The following LIG3 variants were observed in gnomAD, a reference collection of about 807,000 sequenced individuals.
LIG3 encodes the protein ligase II, DNA, ATP-dependent.
Under a neutral mutation model 110.9 loss-of-function variants are expected in LIG3, and 58 were observed. That is an observed-to-expected ratio of 0.52 (90% CI 0.42 to 0.65). The LOEUF is 0.65. LIG3 is among the 30% of genes least tolerant of loss of function. The pLI, the probability that LIG3 is intolerant of heterozygous loss-of-function variation, is 0.00. For synonymous variants in LIG3, 422 were observed against 472.8 expected (o/e 0.89, Z 1.39); for missense variants, 1,094 against 1,273.8 (o/e 0.86, Z 2.15).
In LIG3 at chr17:35,005,489, G is replaced by A. The variant is rs750768121; in HGVS notation, c.*983G>A. On this transcript the variant is annotated 3_prime_UTR_variant, in exon 20 of 20. Coordinates refer to ENST00000378526, the MANE Select transcript of LIG3 (RefSeq NM_013975.4). ...CCCCAAGTATTGGCTGATGAACGTGGGCATCAGAGGCCAGTAGCTTTCTTG... is the reference window on the plus strand; with the variant it reads ...CCCCAAGTATTGGCTGATGAACGTGAGCATCAGAGGCCAGTAGCTTTCTTG... 1.8e-6 allele frequency: 1 copy of A among 563,636 alleles called. No individual in the cohort carries two copies. The highest frequency in any genetic ancestry group is 3.6e-6 in the Non-Finnish European group (1 of 278,442). 34.9% of individuals were successfully genotyped at this position (563,636 alleles called of 1,614,324 possible). A position where few individuals can be genotyped will look rare whatever the true frequency, so the allele number is the denominator to read the frequency against.
At chr17:34,990,189 G>C (rs761209101) in intron 4 of LIG3, among the ~76,000 whole-genome samples, 1 of 152,226 alleles carries the variant, frequency 6.6e-6, no homozygotes, top group Non-Finnish European at 1.5e-5. Context: ...ACTCCATGCT[G>C]TCTCCTACTA....
rs192558553 is a variant in LIG3, at chr17:34,991,777, G to A, written c.1148G>A (p.Arg383Gln). Residue 383 changes from arginine to glutamine, a missense_variant, in exon 6 of 20, where the codon CGG becomes CAG. Coordinates refer to ENST00000378526, the MANE Select transcript of LIG3 (RefSeq NM_013975.4). ...TIQEVDEFLL[R>Q]LSKLTKEDEQ... ...CAGGAAGTGGATGAGTTCCTTCTGC[G>A]GCTGTCCAAGCTCACCAAGGAGGAT... The A allele has an allele frequency of 6.7e-5, 108 of 1,614,104 alleles. No individual in the cohort carries two copies. In the Admixed American group the frequency reaches 1.1e-3, roughly 17 times the overall value.
intron 3 of LIG3, among the ~76,000 whole-genome samples, chr17:34,986,486 T>G (rs2090657120): frequency 6.6e-6 from 1 of 152,154 alleles, no homozygotes; most frequent in South Asian, 2.1e-4. Context: ...CATGCCTGAC[T>G]AATTTTTGTA....
intron 1 of LIG3, 78 bp downstream of exon 1, chr17:34,980,700 G>C (rs2090574479): frequency 1.2e-6 from 1 of 863,144 alleles, no homozygotes; most frequent in African/African-American, 1.8e-5. Context: ...GAGGAGCTCG[G>C]CGCGGCCGGG....
At chr17:34,997,626 G>A in intron 11 of LIG3, 112 bp from the exon 12 acceptor site, 1 of 787,122 alleles carries the variant, frequency 1.3e-6, no homozygotes, top group Non-Finnish European at 2.2e-6. Flanking sequence ...TTTGATCCAT[G>A]GCAAACCCTT....
At chr17:34,992,123 A>G in intron 7 of LIG3, 88 bp downstream of exon 7, 1 of 1,145,392 alleles carries the variant, frequency 8.7e-7, no homozygotes, top group Non-Finnish European at 1.3e-6. Context: ...AGTCCCAGTC[A>G]GGATTTGAAT....
chr17:34,998,508 G>T (rs2090804406), intron 13 of LIG3, 96 bp from the exon 14 acceptor site: 1 of 1,464,862 alleles, frequency 6.8e-7, no homozygotes, highest in African/African-American at 1.4e-5. Context: ...TGAGGGAGGG[G>T]CACTGGGCTA....
chr17:35,007,916 T>C lies in LIG3; in HGVS notation c.*3410T>C, dbSNP rs142173957. ...CATCACTCGCAGCTAAGTTTTTGTA[T>C]TTTTAGTAGAGACCACGTTTCGCCA... On this transcript the variant is annotated 3_prime_UTR_variant, in exon 20 of 20. Coordinates refer to ENST00000378526, the MANE Select transcript of LIG3 (RefSeq NM_013975.4). The C allele has an allele frequency of 6.0e-4, 92 of 152,266 alleles. No individual in the cohort carries two copies. The highest frequency in any genetic ancestry group is 2.1e-3 in the African/African-American group (89 of 41,552). 9.4% of individuals were successfully genotyped at this position (152,266 alleles called of 1,614,324 possible). A position where few individuals can be genotyped will look rare whatever the true frequency, so the allele number is the denominator to read the frequency against.
intron 9 of LIG3, 102 bp from the exon 10 acceptor site, chr17:34,995,959 ATGT>A (rs961741745): frequency 7.1e-7 from 1 of 1,405,328 alleles, no homozygotes; most frequent in African/African-American, 1.4e-5. Flanking sequence ...GGCCTTCCAC[ATGT>A]TGTTCTATAT....
intron 3 of LIG3, among the ~76,000 whole-genome samples, chr17:34,988,148 G>A (rs1051532460): frequency 2.1e-5 from 3 of 142,388 alleles, no homozygotes; most frequent in Admixed American, 7.6e-5. Context: ...AGCCAAGATC[G>A]CGCCACTGCA....
Position 34,991,024 on chromosome 17 carries a change from T to C in LIG3, c.951T>C (p.Thr317=), listed in dbSNP as rs749679751. 4.3e-6 allele frequency: 7 copies of C among 1,614,096 alleles called. No homozygotes were observed. The highest frequency in any genetic ancestry group is 5.9e-6 in the Non-Finnish European group (7 of 1,180,026). ...TGCTGCTGCCAGGAGTCATTAAGAC[T>C]GTTTACAACTTGAACGATAAGCAGA... The part of the protein sequence containing the change: ...VKLLLPGVIK[T]VYNLNDKQIV... Residue 317 remains threonine, a synonymous_variant, in exon 5 of 20, where the codon ACT becomes ACC. Transcript: ENST00000378526.
In LIG3 at chr17:35,003,256, T is replaced by C. The variant is rs985795655; in HGVS notation, c.2796+467T>C. On this transcript the variant is annotated intron_variant, in intron 19 of 19. Transcript: ENST00000378526. ...CCTCCCACCTGAGGAGCCTTTTCCC[T>C]GTTACATTTTCTTGTCAGTCTTGGG... 9.6e-5 allele frequency: 112 copies of C among 1,170,432 alleles called. 1 individual carries two copies. In the East Asian group the frequency reaches 2.0e-3, roughly 21 times the overall value. The allele number at this position is 1,170,432 out of a possible 1,614,324, so 72.5% of individuals were successfully genotyped here.
intron 3 of LIG3, 133 bp from the exon 4 acceptor site, chr17:34,989,333 C>A: frequency 1.3e-6 from 1 of 760,274 alleles, no homozygotes; most frequent in Non-Finnish European, 2.1e-6. Flanking sequence ...GATATAATGA[C>A]ATCTACCCCA....
At chr17:35,003,119 T>C (rs1265982700) in intron 19 of LIG3, 9 of 1,604,122 alleles carry the variant, frequency 5.6e-6, no homozygotes, top group Admixed American at 1.7e-5. Context: ...AAATTTACAT[T>C]AAAGGGAAAA....
At chr17:34,994,635 C>T (rs988153079) in intron 9 of LIG3, among the ~76,000 whole-genome samples, 3 of 152,202 alleles carry the variant, frequency 2.0e-5, no homozygotes, top group Non-Finnish European at 4.4e-5. Context: ...AGAGCCCTGA[C>T]TTGGGTTCGT....
chr17:34,994,570 T>G (rs2090759293), intron 9 of LIG3, 139 bp downstream of exon 9: 3 of 926,012 alleles, frequency 3.2e-6, no homozygotes, highest in Non-Finnish European at 4.7e-6. Context: ...ATTAATTCAT[T>G]TATTCATTTT....
chr17:34,987,916 C>T (rs1328713052), intron 3 of LIG3, among the ~76,000 whole-genome samples: 2 of 152,006 alleles, frequency 1.3e-5, no homozygotes, highest in Non-Finnish European at 1.5e-5. Context: ...AATTCTGGGC[C>T]GGGCGCGGTG....
downstream of LIG3, chr17:35,010,689 T>C (rs897384699): frequency 2.0e-5 from 3 of 150,370 alleles, no homozygotes; most frequent in African/African-American, 4.9e-5. Flanking sequence ...GAGGTGGAGG[T>C]TGCAGTAAGC....
Position 35,004,492 on chromosome 17 carries a change from G to A in LIG3, c.3016G>A (p.Val1006Ile), listed in dbSNP as rs1223758764. Reference protein sequence around the residue: ...IWACIRKRRLVAPC With the variant: ...IWACIRKRRLIAPC ...GGCATGTATCCGGAAACGGAGACTG[G>A]TAGCTCCCTGCTAGGTTTGCTGTCT... The change falls in exon 20 of 20, where the codon GTA becomes ATA. Residue 1006 changes from valine to isoleucine, a missense_variant. Coordinates refer to ENST00000378526, the MANE Select transcript of LIG3 (RefSeq NM_013975.4). 1.2e-6 allele frequency: 2 copies of A among 1,613,708 alleles called. No individual in the cohort carries two copies. The highest frequency in any genetic ancestry group is 1.3e-5 in the African/African-American group (1 of 75,040).
Sources: allele counts gnomAD v4.1 joint callset (sites outside exome capture counted in the v4.1 genomes callset), GRCh38; gene constraint gnomAD v4.1.1; transcripts MANE v1.5; gene names NCBI Gene and HGNC (gene_info 2026-07-23, HGNC 2026-07-21).